MTMR7: variants seen among roughly 807,000 people sequenced by gnomAD.
The protein encoded by MTMR7 is myotubularin related protein 7, also known as phosphatidylinositol-3-phosphate phosphatase MTMR7.
In MTMR7, 76 loss-of-function variants were observed where a neutral mutation model predicts 81.2. The ratio of observed to expected loss-of-function variants is 0.94; its 90% CI spans 0.78 to 1.13. The LOEUF is 1.13. MTMR7 is among the 50% of genes most tolerant of loss of function. The pLI is 0.00. For missense variants in MTMR7, 1,044 were observed against 820.0 expected (o/e 1.27, Z -3.34); for synonymous variants, 372 against 289.8 (o/e 1.28, Z -2.88).
chr8:17,377,141 T>C (rs1563367377), intron 1 of MTMR7, among the ~76,000 whole-genome samples: 1 of 152,136 alleles, frequency 6.6e-6, no homozygotes, highest in Non-Finnish European at 1.5e-5. Flanking sequence ...TAACCATGGT[T>C]ATGATTACAT....
chr8:17,373,445 C>T (rs570667521), intron 1 of MTMR7, among the ~76,000 whole-genome samples: 4 of 152,064 alleles, frequency 2.6e-5, no homozygotes, highest in Non-Finnish European at 5.9e-5. Flanking sequence ...TCACCAGTTA[C>T]GAAAATATGA....
At chr8:17,405,860 ACACACACACACACACACACC>A (rs1445659289) in intron 1 of MTMR7, among the ~76,000 whole-genome samples, 5 of 97,358 alleles carry the variant, frequency 5.1e-5, no homozygotes, top group Admixed American at 4.9e-4. Context: ...ACACACACAC[ACACACACACACACACACACC>A]ACAGAGAAAA....
chr8:17,325,804 A>G (rs753422364), intron 7 of MTMR7, among the ~76,000 whole-genome samples: 1 of 152,356 alleles, frequency 6.6e-6, no homozygotes, highest in East Asian at 1.9e-4. Context: ...TTTTGAATAA[A>G]GAAATTCAGC....
At chr8:17,400,602 T>A (rs1821399096) in intron 1 of MTMR7, among the ~76,000 whole-genome samples, 1 of 152,218 alleles carries the variant, frequency 6.6e-6, no homozygotes, top group Admixed American at 6.5e-5. Context: ...TCGTTGCAAT[T>A]TGATTTTATC....
chr8:17,312,184 C>G (rs2150488221), intron 8 of MTMR7, among the ~76,000 whole-genome samples: 1 of 152,272 alleles, frequency 6.6e-6, no homozygotes, highest in African/African-American at 2.4e-5. Flanking sequence ...TCATTTTTTA[C>G]TAAATATCTT....
At chr8:17,364,810 C>A (rs1478999952) in intron 3 of MTMR7, among the ~76,000 whole-genome samples, 1 of 151,184 alleles carries the variant, frequency 6.6e-6, no homozygotes, top group Admixed American at 6.5e-5. Flanking sequence ...TTTATCTCTT[C>A]ATCCAATGAT....
intron 4 of MTMR7, among the ~76,000 whole-genome samples, chr8:17,356,469 C>T (rs537604006): frequency 5.3e-5 from 8 of 152,012 alleles, no homozygotes; most frequent in South Asian, 2.1e-4. Context: ...GAGGCAGAGG[C>T]GGGCAGATCA....
chr8:17,304,927 G>C (rs1048840832), intron 11 of MTMR7, among the ~76,000 whole-genome samples: 2 of 152,132 alleles, frequency 1.3e-5, no homozygotes, highest in Admixed American at 6.5e-5. Flanking sequence ...CTGAGGAATA[G>C]AGAGAATAAG....
rs774582388 is a variant in MTMR7, at chr8:17,371,174, A to G, written c.173T>C (p.Ile58Thr). ...GGTAGCGGTTGTTGCCTGTTTCTCA[A>G]TGGTGGAAATCTGACTGTGAAGAAT... Reference protein sequence around the residue: ...TWILHSQISTIEKQATTATGC... With the variant: ...TWILHSQISTTEKQATTATGC... Residue 58 changes from isoleucine (I) to threonine (T), a missense_variant, in exon 3 of 14, where the codon ATT becomes ACT. Ile to Thr is a moderately conservative substitution (Grantham distance 89). Transcript: ENST00000180173. The G allele has an allele frequency of 2.5e-6, 4 of 1,614,154 alleles. No individual in the cohort carries two copies. The highest frequency in any genetic ancestry group is 1.1e-5 in the South Asian group (1 of 91,064).
chr8:17,361,298 T>G, intron 3 of MTMR7, 24 bp from the exon 4 acceptor site: 1 of 1,613,686 alleles, frequency 6.2e-7, no homozygotes. Context: ...TAGGATAAAG[T>G]TAAATCAAGC....
chr8:17,302,321 A>C (rs758066526), intron 12 of MTMR7, 41 bp from the exon 13 acceptor site: 2 of 1,575,982 alleles, frequency 1.3e-6, no homozygotes, highest in African/African-American at 1.4e-5. Context: ...ACCTTATCAC[A>C]GTCTGAAAAT....
intron 12 of MTMR7, among the ~76,000 whole-genome samples, chr8:17,303,572 T>C (rs17124336): frequency 0.02 from 3,089 of 151,526 alleles, 113 homozygotes; most frequent in African/African-American, 0.07. Context: ...ACTTGTAGGA[T>C]GCCACCCTGC....
At chr8:17,320,415 G>A (rs1458112611) in intron 7 of MTMR7, among the ~76,000 whole-genome samples, 1 of 151,588 alleles carries the variant, frequency 6.6e-6, no homozygotes, top group Non-Finnish European at 1.5e-5. Context: ...GTTTTTTTTT[G>A]TAAGGTGGCA....
chr8:17,387,316 A>G (rs1472634134), intron 1 of MTMR7, among the ~76,000 whole-genome samples: 1 of 152,216 alleles, frequency 6.6e-6, no homozygotes, highest in East Asian at 1.9e-4. Context: ...AGCCAGTTTC[A>G]GCCAGGTTAC....
chr8:17,315,471 G>A (rs1818016869), intron 7 of MTMR7, among the ~76,000 whole-genome samples: 1 of 152,148 alleles, frequency 6.6e-6, no homozygotes, highest in Admixed American at 6.5e-5. Context: ...TGGACTTTGA[G>A]TGATACCGAT....
intron 6 of MTMR7, among the ~76,000 whole-genome samples, chr8:17,339,306 G>A (rs1819340606): frequency 6.6e-6 from 1 of 152,036 alleles, no homozygotes; most frequent in Non-Finnish European, 1.5e-5. Context: ...CCCATTTAAA[G>A]CATACGACTC....
chr8:17,387,565 G>C (rs1820982993), intron 1 of MTMR7, among the ~76,000 whole-genome samples: 1 of 152,222 alleles, frequency 6.6e-6, no homozygotes, highest in Non-Finnish European at 1.5e-5. Flanking sequence ...AAGCATGTCA[G>C]AAGGATTGTT....
intron 10 of MTMR7, among the ~76,000 whole-genome samples, chr8:17,307,030 T>C (rs977247851): frequency 1.2e-4 from 19 of 152,110 alleles, no homozygotes; most frequent in African/African-American, 4.6e-4. Flanking sequence ...AAAGACAAAA[T>C]TGACAGATGG....
chr8:17,367,029 A>T (rs1041922134), intron 3 of MTMR7, among the ~76,000 whole-genome samples: 3 of 152,164 alleles, frequency 2.0e-5, no homozygotes, highest in African/African-American at 7.2e-5. Context: ...TGTTGAAATT[A>T]AATATTAGGA....
Sources: allele counts gnomAD v4.1 joint callset (sites outside exome capture counted in the v4.1 genomes callset), GRCh38; gene constraint gnomAD v4.1.1; transcripts MANE v1.5; gene names NCBI Gene and HGNC (gene_info 2026-07-23, HGNC 2026-07-21).